Variants in NRXN1 observed in about 807,000 individuals in gnomAD.
NRXN1 encodes the protein neurexin 1, also known as neurexin-1.
Under a neutral mutation model 150.9 loss-of-function variants are expected in NRXN1, and 39 were observed. The observed-to-expected ratio is 0.26, with a 90% CI of 0.20 to 0.34. The LOEUF (loss-of-function observed/expected upper bound fraction) is 0.34. Ranked by LOEUF, NRXN1 falls within the 10% of genes least tolerant of loss-of-function variation. NRXN1 has a pLI of 1.00. For synonymous variants in NRXN1, 924 were observed against 757.0 expected (o/e 1.22, Z -3.62); for missense variants, 1,815 against 1,949.9 (o/e 0.93, Z 1.30).
chr2:50,439,529 G>A (rs1454083289), intron 17 of NRXN1, among the ~76,000 whole-genome samples: 1 of 152,134 alleles, frequency 6.6e-6, no homozygotes, highest in Non-Finnish European at 1.5e-5. Context: ...AAAAAAGGCC[G>A]GGCGCGGTGG....
At chr2:50,356,330 T>A (rs150162265) in intron 17 of NRXN1, among the ~76,000 whole-genome samples, 1 of 152,198 alleles carries the variant, frequency 6.6e-6, no homozygotes, top group Non-Finnish European at 1.5e-5. Context: ...ATTATTCCAA[T>A]AGTTCAAGTC....
intron 18 of NRXN1, among the ~76,000 whole-genome samples, chr2:50,093,918 G>C (rs552018275): frequency 1.2e-4 from 19 of 152,272 alleles, no homozygotes; most frequent in African/African-American, 4.6e-4. Context: ...CATTACACCA[G>C]GCTGAGTTTA....
chr2:50,594,076 T>C (rs1258370070), intron 8 of NRXN1, among the ~76,000 whole-genome samples: 1 of 152,202 alleles, frequency 6.6e-6, no homozygotes, highest in East Asian at 1.9e-4. Flanking sequence ...TGCTTCGCCT[T>C]CCACCATGAT....
At chr2:50,178,090 A>G (rs1461215580) in intron 18 of NRXN1, among the ~76,000 whole-genome samples, 1 of 152,086 alleles carries the variant, frequency 6.6e-6, no homozygotes, top group Non-Finnish European at 1.5e-5. Context: ...TCCCTGATTC[A>G]TAGTGTGTTT....
chr2:50,668,278 CT>C, intron 5 of NRXN1, among the ~76,000 whole-genome samples: 1 of 151,880 alleles, frequency 6.6e-6, no homozygotes. Flanking sequence ...TCAAGGTCTC[CT>C]TACTTAATCA....
At chr2:50,520,841 T>G (rs1034075704) in intron 12 of NRXN1, among the ~76,000 whole-genome samples, 6 of 152,076 alleles carry the variant, frequency 3.9e-5, no homozygotes, top group Non-Finnish European at 7.4e-5. Context: ...TATGTCTGAC[T>G]ACTAAGAGAA....
intron 19 of NRXN1, among the ~76,000 whole-genome samples, chr2:50,069,991 C>T (rs1695992412): frequency 6.6e-6 from 1 of 151,780 alleles, no homozygotes; most frequent in African/African-American, 2.4e-5. Flanking sequence ...GCTGGAACTA[C>T]AGGCACCCGC....
intron 8 of NRXN1, 120 bp from the exon 9 acceptor site, chr2:50,553,145 G>C: frequency 1.4e-6 from 1 of 727,784 alleles, no homozygotes. Flanking sequence ...AGTTAATTTT[G>C]TTGTATAAAG....
intron 18 of NRXN1, 130 bp downstream of exon 18, chr2:50,236,659 G>A: frequency 1.3e-6 from 1 of 783,200 alleles, no homozygotes; most frequent in Non-Finnish European, 2.2e-6. Context: ...CCTCTAGATT[G>A]TATTCATATT....
At chr2:50,597,684 A>G (rs1253252746) in intron 8 of NRXN1, among the ~76,000 whole-genome samples, 3 of 152,184 alleles carry the variant, frequency 2.0e-5, no homozygotes, top group Admixed American at 6.5e-5. Context: ...ATGTTTCTGA[A>G]GCACTGCAAA....
chr2:49,945,647 C>G (rs1672759104), intron 21 of NRXN1, among the ~76,000 whole-genome samples: 1 of 152,054 alleles, frequency 6.6e-6, no homozygotes, highest in Non-Finnish European at 1.5e-5. Flanking sequence ...GTTTGATTTT[C>G]AGTTCCTCTG....
chr2:49,979,344 A>G (rs1395422328), intron 21 of NRXN1, among the ~76,000 whole-genome samples: 2 of 152,192 alleles, frequency 1.3e-5, no homozygotes, highest in African/African-American at 2.4e-5. Flanking sequence ...ATGTTCAGTA[A>G]GAGATAAATC....
At chr2:50,731,971 G>A (rs2105207041) in intron 5 of NRXN1, among the ~76,000 whole-genome samples, 1 of 152,200 alleles carries the variant, frequency 6.6e-6, no homozygotes, top group Middle Eastern at 3.4e-3. Flanking sequence ...TTTGAAATGT[G>A]TGCCTTCATC....
At chr2:50,469,771 C>G (rs2193063) in intron 16 of NRXN1, among the ~76,000 whole-genome samples, 90,861 of 149,382 alleles carry the variant, frequency 0.61, 28,365 homozygotes, top group African/African-American at 0.74. Context: ...AAAGGGGTGT[C>G]AGGGTGTGAA....
chr2:50,714,293 G>A (rs954140515), intron 5 of NRXN1, among the ~76,000 whole-genome samples: 1 of 152,104 alleles, frequency 6.6e-6, no homozygotes, highest in Non-Finnish European at 1.5e-5. Context: ...CTCACATTCA[G>A]CCAGAGGGAG....
Position 50,139,061 on chromosome 2 carries a change from C to G in NRXN1, c.3547-47567G>C, listed in dbSNP as rs76901642. 5.4e-3 allele frequency among the ~76,000 whole-genome samples: 820 copies of G among 152,272 alleles called. 9 individuals are homozygous for G. Among genetic ancestry groups the G allele is most frequent in the African/African-American group, 0.019 (791 of 41,556 alleles). ...CTGCATGTGGACGGGCAAGGTGGCT[C>G]ATACCTGTAATCCCAGCACTTTGGG... On this transcript the variant is annotated intron_variant, in intron 18 of 22. Coordinates refer to ENST00000401669, the MANE Select transcript of NRXN1 (RefSeq NM_001330078.2).
At chr2:50,358,277 G>A (rs1049881757) in intron 17 of NRXN1, among the ~76,000 whole-genome samples, 23 of 152,198 alleles carry the variant, frequency 1.5e-4, no homozygotes, top group African/African-American at 5.3e-4. Flanking sequence ...AAGCCAAGTG[G>A]TCTTGCTCAG....
intron 17 of NRXN1, among the ~76,000 whole-genome samples, chr2:50,373,674 G>GAAAGAAAGAAAGAAAGA (rs1553513390): frequency 4.0e-5 from 4 of 99,120 alleles, no homozygotes; most frequent in African/African-American, 1.8e-4. Context: ...AAGAAAGAAA[G>GAAAGAAAGAAAGAAAGA]AAAGAAAAGA....
chr2:50,819,039 G>C (rs1574586639), intron 5 of NRXN1, among the ~76,000 whole-genome samples: 1 of 152,134 alleles, frequency 6.6e-6, no homozygotes, highest in Non-Finnish European at 1.5e-5. Flanking sequence ...TGTCAGCAAG[G>C]ATGGGAAGAC....
Sources: gnomAD v4.1 joint callset for allele counts (sites outside exome capture counted in the v4.1 genomes callset) on GRCh38, gnomAD v4.1.1 for gene constraint, MANE v1.5 for transcripts, NCBI Gene and HGNC (gene_info 2026-07-23, HGNC 2026-07-21) for gene names.